XRRA1: variants seen among roughly 807,000 people sequenced by gnomAD.
XRRA1 encodes the protein X-ray radiation resistance-associated protein 1.
A neutral mutation model predicts 80.2 loss-of-function variants in XRRA1; 69 were observed. The observed-to-expected ratio is 0.86, with a 90% CI of 0.71 to 1.05. The LOEUF (loss-of-function observed/expected upper bound fraction) is 1.05, where lower values mean the gene tolerates loss of function less well. Ranked by LOEUF, XRRA1 falls within the 50% of genes least tolerant of loss-of-function variation. XRRA1 has a pLI of 0.00. For missense variants in XRRA1, 967 were observed against 976.4 expected (o/e 0.99, Z 0.13); for synonymous variants, 348 against 389.9 (o/e 0.89, Z 1.27).
intron 3 of XRRA1, among the ~76,000 whole-genome samples, chr11:74,939,378 GT>G (rs1945817976): frequency 6.6e-6 from 1 of 152,024 alleles, no homozygotes; most frequent in African/African-American, 2.4e-5. Context: ...GAGCTATTTT[GT>G]TTCCCCCCAC....
chr11:74,923,081 AGGTCTACCAG>A (rs982533051), intron 7 of XRRA1, among the ~76,000 whole-genome samples: 53 of 152,362 alleles, frequency 3.5e-4, no homozygotes, highest in African/African-American at 1.3e-3. Flanking sequence ...GGATATGGTC[AGGTCTACCAG>A]GGGATCAGGA....
At chr11:74,871,389 G>A (rs1184751769) in intron 10 of XRRA1, among the ~76,000 whole-genome samples, 1 of 152,190 alleles carries the variant, frequency 6.6e-6, no homozygotes, top group Non-Finnish European at 1.5e-5. Flanking sequence ...GTCTCCCCTA[G>A]CTTTCTAGCC....
At chr11:74,921,738 A>C (rs1008194460) in intron 7 of XRRA1, among the ~76,000 whole-genome samples, 1 of 152,008 alleles carries the variant, frequency 6.6e-6, no homozygotes, top group African/African-American at 2.4e-5. Context: ...TGGAATCTCT[A>C]CCTCCCCTAA....
At chr11:74,891,593 A>T (rs1390925211) in intron 10 of XRRA1, among the ~76,000 whole-genome samples, 4 of 152,340 alleles carry the variant, frequency 2.6e-5, no homozygotes, top group African/African-American at 9.6e-5. Flanking sequence ...GTATTCAATC[A>T]AGAAAAGAGG....
At chr11:74,904,800 C>G (rs1446184197) in intron 10 of XRRA1, among the ~76,000 whole-genome samples, 2 of 150,486 alleles carry the variant, frequency 1.3e-5, no homozygotes, top group Non-Finnish European at 1.5e-5. Context: ...AATTATTTAT[C>G]TACCTGGGAT....
intron 10 of XRRA1, among the ~76,000 whole-genome samples, chr11:74,871,179 C>T (rs1008656647): frequency 1.5e-4 from 23 of 152,202 alleles, no homozygotes; most frequent in Non-Finnish European, 2.9e-5. Flanking sequence ...ATTAGAGTTG[C>T]ATGGGTGAGT....
intron 12 of XRRA1, among the ~76,000 whole-genome samples, chr11:74,857,054 C>T (rs1218348377): frequency 6.6e-6 from 1 of 151,876 alleles, no homozygotes; most frequent in African/African-American, 2.4e-5. Context: ...CCTTTTGGCA[C>T]CTACCACCAC....
intron 7 of XRRA1, among the ~76,000 whole-genome samples, chr11:74,925,087 GC>G (rs1565417288): frequency 6.6e-6 from 1 of 152,174 alleles, no homozygotes; most frequent in Non-Finnish European, 1.5e-5. Flanking sequence ...AGAATTAAGG[GC>G]AATTTAAAGA....
intron 10 of XRRA1, among the ~76,000 whole-genome samples, chr11:74,875,143 G>C (rs1167448706): frequency 6.6e-6 from 1 of 152,196 alleles, no homozygotes; most frequent in Non-Finnish European, 1.5e-5. Context: ...AAATTAACAA[G>C]TTATTATCCT....
Position 74,842,134 on chromosome 11 carries a change from G to A in XRRA1, c.*1066C>T, listed in dbSNP as rs1440657636. On this transcript the variant is annotated 3_prime_UTR_variant, in exon 19 of 19. Transcript: ENST00000684022. ...GTGTATTGGTTTTATTCAACCTGCT[G>A]TCTGCTTTAGGATTGGAGAAGGTAC... 3 of 151,902 alleles carry A rather than the reference G, an allele frequency of 2.0e-5. No homozygotes were observed. Among genetic ancestry groups the A allele is most frequent in the Non-Finnish European group, 4.4e-5 (3 of 68,016 alleles). The allele number at this position is 151,902 out of a possible 1,614,324, so 9.4% of individuals were successfully genotyped here. A position where few individuals can be genotyped will look rare whatever the true frequency, so the allele number is the denominator to read the frequency against.
At chr11:74,866,654 T>TAAAAAAAAAA (rs57326749) in intron 10 of XRRA1, among the ~76,000 whole-genome samples, 1 of 135,406 alleles carries the variant, frequency 7.4e-6, no homozygotes. Flanking sequence ...TTGAAATAAT[T>TAAAAAAAAAA]AAAAAAAAAA....
chr11:74,872,733 C>T (rs1484441812), intron 10 of XRRA1, among the ~76,000 whole-genome samples: 1 of 152,122 alleles, frequency 6.6e-6, no homozygotes, highest in Admixed American at 6.5e-5. Context: ...GGTTCAGACC[C>T]CTGGCTCCAG....
rs140987235 is a variant in XRRA1 at position 74,845,250 on chromosome 11, C to T, written c.1750G>A (p.Val584Ile). The T allele has an allele frequency of 6.6e-5, 106 of 1,613,296 alleles. No homozygotes were observed. In the East Asian group the frequency reaches 1.2e-3, roughly 19 times the overall value. The change falls in exon 16 of 19, where the codon GTC (valine) becomes ATC (isoleucine). Residue 584 changes from valine (V) to isoleucine (I), a missense_variant. Val to Ile is a conservative substitution (Grantham distance 29). Transcript: ENST00000684022. ...AACTCTAAATCATCCTTATGGATGA[C>T]GGAGGAAGGCAGTTCACTCACCTGT... ...LTQVSELPSS[V>I]IHKDDLELKE...
chr11:74,923,667 G>A (rs1941486761), intron 7 of XRRA1, among the ~76,000 whole-genome samples: 1 of 152,086 alleles, frequency 6.6e-6, no homozygotes, highest in Non-Finnish European at 1.5e-5. Flanking sequence ...AAACTCCTCA[G>A]CAAAGTTTCC....
At chr11:74,917,959 C>A (rs495246) in intron 8 of XRRA1, among the ~76,000 whole-genome samples, 61,460 of 138,998 alleles carry the variant, frequency 0.44, 13,281 homozygotes, top group Middle Eastern at 0.52. Context: ...AATATAATTG[C>A]TGTTATACCT....
intron 10 of XRRA1, among the ~76,000 whole-genome samples, chr11:74,902,935 A>G (rs921654735): frequency 6.6e-6 from 1 of 152,244 alleles, no homozygotes; most frequent in African/African-American, 2.4e-5. Flanking sequence ...TTACATGCCT[A>G]TACCAAAATA....
intron 2 of XRRA1, among the ~76,000 whole-genome samples, chr11:74,944,378 A>G (rs1420575846): frequency 1.3e-5 from 2 of 152,128 alleles, no homozygotes; most frequent in Non-Finnish European, 1.5e-5. Context: ...CCTCAATTAG[A>G]CTCTAAAACC....
Position 74,943,523 on chromosome 11 carries a change from G to GA in XRRA1, c.-5+1494_-5+1495insT, listed in dbSNP as rs1293232036. Reference sequence around the variant, plus strand: ...TGGAGGCGAGGGGAAGAGAGTAGGAGGGTGTGTGTGTGTGTGTGTGTGTGT... The same window carrying GA: ...TGGAGGCGAGGGGAAGAGAGTAGGAGAGGTGTGTGTGTGTGTGTGTGTGTGT... On this transcript the variant is annotated intron_variant, in intron 2 of 18. Coordinates refer to ENST00000684022, the MANE Select transcript of XRRA1 (RefSeq NM_001378157.1). 5.2e-3 allele frequency among the ~76,000 whole-genome samples: 531 copies of GA among 102,912 alleles called. 9 individuals carry two copies. Among genetic ancestry groups the GA allele is most frequent in the African/African-American group, 0.02 (497 of 24,936 alleles). 67.5% of individuals were successfully genotyped at this position (102,912 alleles called of 152,430 possible). A position where few individuals can be genotyped will look rare whatever the true frequency, so the allele number is the denominator to read the frequency against.
chr11:74,859,388 TAG>T, intron 11 of XRRA1, 105 bp from the exon 12 acceptor site: 2 of 1,312,012 alleles, frequency 1.5e-6, no homozygotes, highest in Non-Finnish European at 2.1e-6. Flanking sequence ...ATGACCTTCC[TAG>T]AGAGACTTGG....
Sources: gnomAD v4.1 joint callset for allele counts (sites outside exome capture counted in the v4.1 genomes callset) on GRCh38, gnomAD v4.1.1 for gene constraint, MANE v1.5 for transcripts, NCBI Gene and HGNC (gene_info 2026-07-23, HGNC 2026-07-21) for gene names.